PHF21A: variants seen among roughly 807,000 people sequenced by gnomAD.
The protein encoded by PHF21A is BHC80a.
A neutral mutation model predicts 82.5 loss-of-function variants in PHF21A; 11 were observed. The ratio of observed to expected loss-of-function variants is 0.13; its 90% CI spans 0.08 to 0.22. The LOEUF is 0.22. Ranked by LOEUF, PHF21A falls within the 10% of genes least tolerant of loss-of-function variation. The probability of loss-of-function intolerance (pLI) is 1.00; values close to 1 mark genes in which losing one functional copy is unlikely to be tolerated. For missense variants in PHF21A, 579 were observed against 837.8 expected, an observed-to-expected ratio of 0.69 and a Z score of 3.81; for synonymous variants, 297 against 302.8, an observed-to-expected ratio of 0.98 and a Z score of 0.20.
intron 15 of PHF21A, among the ~76,000 whole-genome samples, chr11:45,945,076 T>C (rs1359655310): frequency 6.6e-6 from 1 of 152,234 alleles, no homozygotes; most frequent in African/African-American, 2.4e-5. Context: ...TTTTTCTTCA[T>C]AGCACTTATC....
At chr11:45,974,621 T>TA (rs1291661637) in intron 7 of PHF21A, among the ~76,000 whole-genome samples, 1 of 37,900 alleles carries the variant, frequency 2.6e-5, no homozygotes, top group Non-Finnish European at 1.3e-4. Flanking sequence ...ACCTGGCTAA[T>TA]TTTTTTTATT....
chr11:46,094,665 G>A (rs1047036502), intron 1 of PHF21A, among the ~76,000 whole-genome samples: 2 of 152,110 alleles, frequency 1.3e-5, no homozygotes, highest in African/African-American at 2.4e-5. Flanking sequence ...GGTGGATCAC[G>A]AGATCAGGAG....
chr11:45,989,871 C>A (rs1339847368), intron 6 of PHF21A, among the ~76,000 whole-genome samples: 1 of 151,110 alleles, frequency 6.6e-6, no homozygotes, highest in African/African-American at 2.4e-5. Context: ...TGGTGGCATA[C>A]ACCGGCAGTA....
chr11:46,064,866 TG>T (rs1184560747), intron 6 of PHF21A, among the ~76,000 whole-genome samples: 1 of 152,258 alleles, frequency 6.6e-6, no homozygotes, highest in Non-Finnish European at 1.5e-5. Flanking sequence ...TGTATTGCTT[TG>T]GCAAAGAGTA....
chr11:46,066,081 T>A (rs777398661), intron 6 of PHF21A, among the ~76,000 whole-genome samples: 16 of 152,212 alleles, frequency 1.1e-4, no homozygotes, highest in Non-Finnish European at 2.2e-4. Context: ...AAGAAAGGGA[T>A]ATAGTCTCAT....
chr11:45,935,636 A>C lies in PHF21A; in HGVS notation c.1788T>G (p.Ser596Arg), dbSNP rs1433375840. 1 of 1,405,596 alleles carries C rather than the reference A, an allele frequency of 7.1e-7. No individual in the cohort carries two copies. The highest frequency in any genetic ancestry group is 2.3e-5 in the East Asian group (1 of 43,938). The allele number at this position is 1,405,596 out of a possible 1,614,324, so 87.1% of individuals were successfully genotyped here. ...QKVKQLSNSI[S>R]KCMEMKNTIL... is the part of the protein sequence containing the mutation. ...TGCTGAAGGCATGAGGTTTACTTAC[A>C]CTTATGGAATTGCTGAGCTGTTTCA... Residue 596 changes from serine (S) to arginine (R), a missense_variant and splice_region_variant, in exon 18 of 19, where the codon AGT (serine) becomes AGG (arginine). Coordinates refer to ENST00000676320, the MANE Select transcript of PHF21A (RefSeq NM_001352027.3).
intron 1 of PHF21A, among the ~76,000 whole-genome samples, chr11:46,106,440 T>G (rs1378794119): frequency 1.3e-5 from 2 of 152,216 alleles, no homozygotes; most frequent in East Asian, 3.8e-4. Flanking sequence ...CAAGTCCTGA[T>G]AAGTTAACGG....
chr11:46,006,303 C>A (rs2095293393), intron 6 of PHF21A, among the ~76,000 whole-genome samples: 2 of 152,272 alleles, frequency 1.3e-5, no homozygotes, highest in Middle Eastern at 3.4e-3. Flanking sequence ...GGGCAAAAAA[C>A]CATGAGAAAT....
At chr11:45,943,285 G>A (rs2090717979) in intron 15 of PHF21A, among the ~76,000 whole-genome samples, 1 of 151,854 alleles carries the variant, frequency 6.6e-6, no homozygotes. Context: ...AGTATGCCCG[G>A]CTAATTTTTG....
intron 6 of PHF21A, among the ~76,000 whole-genome samples, chr11:46,000,269 T>C (rs2095072157): frequency 6.6e-6 from 1 of 152,346 alleles, no homozygotes; most frequent in Middle Eastern, 3.4e-3. Context: ...TGCCAAGGAA[T>C]ACAGTGTTAT....
intron 6 of PHF21A, among the ~76,000 whole-genome samples, chr11:46,031,836 T>C (rs910407953): frequency 6.6e-6 from 1 of 152,170 alleles, no homozygotes; most frequent in Non-Finnish European, 1.5e-5. Flanking sequence ...AGGGGTGACA[T>C]TCACTCAAGA....
intron 9 of PHF21A, among the ~76,000 whole-genome samples, chr11:45,967,426 C>A (rs1426925311): frequency 6.6e-6 from 1 of 152,012 alleles, no homozygotes; most frequent in Non-Finnish European, 1.5e-5. Context: ...TTGAGGGGAC[C>A]CCATGATTTG....
chr11:45,935,721 T>C lies in PHF21A; in HGVS notation c.1703A>G (p.Gln568Arg). ...ATCTGAACTCCATTTAAGTAACTTC[T>C]GTTTCTCTTCTTCTTTTGCTAAAAA... ...AYKAAKEEEK[Q>R]KLLKWSSDLK... The change falls in exon 18 of 19, where the codon CAG (glutamine) becomes CGG (arginine). Residue 568 changes from glutamine to arginine, a missense_variant. Coordinates refer to ENST00000676320, the MANE Select transcript of PHF21A (RefSeq NM_001352027.3). The C allele has an allele frequency of 7.7e-7, 1 of 1,301,932 alleles. No individual in the cohort carries two copies. The highest frequency in any genetic ancestry group is 1.1e-6 in the Non-Finnish European group (1 of 921,460). The allele number at this position is 1,301,932 out of a possible 1,614,324, so 80.6% of individuals were successfully genotyped here.
intron 6 of PHF21A, among the ~76,000 whole-genome samples, chr11:46,043,791 A>G (rs945047065): frequency 6.6e-6 from 1 of 152,154 alleles, no homozygotes; most frequent in Non-Finnish European, 1.5e-5. Flanking sequence ...GCTGTCATAT[A>G]CCCACATTGA....
At chr11:46,013,284 G>C (rs1282261757) in intron 6 of PHF21A, among the ~76,000 whole-genome samples, 1 of 152,142 alleles carries the variant, frequency 6.6e-6, no homozygotes, top group African/African-American at 2.4e-5. Context: ...TGCACGCTTA[G>C]AGTAGCCTGA....
At chr11:45,985,315 T>C (rs191922923) in intron 6 of PHF21A, among the ~76,000 whole-genome samples, 1 of 152,354 alleles carries the variant, frequency 6.6e-6, no homozygotes, top group East Asian at 1.9e-4. Context: ...AGGGGATGTG[T>C]TACTGTCATA....
At chr11:46,051,748 G>C (rs2096370092) in intron 6 of PHF21A, among the ~76,000 whole-genome samples, 1 of 152,176 alleles carries the variant, frequency 6.6e-6, no homozygotes, top group South Asian at 2.1e-4. Context: ...GAAGATATTA[G>C]AGGAAGACAA....
chr11:45,996,337 C>T (rs1352981353), intron 6 of PHF21A, among the ~76,000 whole-genome samples: 8 of 152,168 alleles, frequency 5.3e-5, no homozygotes, highest in Non-Finnish European at 1.0e-4. Flanking sequence ...ATCTATATTA[C>T]AATTAGATCA....
intron 6 of PHF21A, among the ~76,000 whole-genome samples, chr11:46,003,283 CAA>C (rs201895719): frequency 0.35 from 49,121 of 140,480 alleles, 9,130 homozygotes; most frequent in East Asian, 0.8. Flanking sequence ...GGCTAACATT[CAA>C]AAAAAAAAAA....
Sources: gnomAD v4.1 joint callset for allele counts (sites outside exome capture counted in the v4.1 genomes callset) on GRCh38, gnomAD v4.1.1 for gene constraint, MANE v1.5 for transcripts, NCBI Gene and HGNC (gene_info 2026-07-23, HGNC 2026-07-21) for gene names.